ZFR2: variants seen among roughly 807,000 people sequenced by gnomAD.
The protein encoded by ZFR2 is zinc finger RNA binding protein 2.
In ZFR2, 104 loss-of-function variants were observed where a neutral mutation model predicts 105.7. That is an observed-to-expected ratio of 0.98 (90% CI 0.84 to 1.16). The LOEUF is 1.16. Ranked by LOEUF, ZFR2 falls within the 50% of genes most tolerant of loss-of-function variation. The pLI is 0.00. For missense variants in ZFR2, 1,425 were observed against 1,355.5 expected (o/e 1.05, Z -0.80); for synonymous variants, 634 against 597.7 (o/e 1.06, Z -0.89).
At chr19:3,850,867 T>G (rs936452796) in intron 1 of ZFR2, among the ~76,000 whole-genome samples, 1 of 136,348 alleles carries the variant, frequency 7.3e-6, no homozygotes. Flanking sequence ...ATCTCACCAC[T>G]GCACTGCAAC....
intron 6 of ZFR2, among the ~76,000 whole-genome samples, chr19:3,826,294 G>A (rs1044069107): frequency 1.3e-5 from 2 of 152,130 alleles, no homozygotes; most frequent in African/African-American, 4.8e-5. Flanking sequence ...AGGCAGCTGG[G>A]GGAGAGAAGC....
Position 3,821,977 on chromosome 19 carries a change from C to T in ZFR2, c.1491+104G>A, listed in dbSNP as rs1030111948. 8 of 1,446,942 alleles carry T rather than the reference C, an allele frequency of 5.5e-6. No homozygotes were observed. In the Admixed American group the frequency reaches 1.8e-4, roughly 33 times the overall value. 89.6% of individuals were successfully genotyped at this position (1,446,942 alleles called of 1,614,324 possible). A position where few individuals can be genotyped will look rare whatever the true frequency, so the allele number is the denominator to read the frequency against. On this transcript the variant is annotated intron_variant, in intron 9 of 18. Transcript: ENST00000262961. ...GAAAATCACCCCTCCCTCTTAAGTT[C>T]GTCGGATCACACGCGCGGAAGAGGC...
chr19:3,827,358 G>A (rs1365885306), intron 6 of ZFR2, 113 bp downstream of exon 6: 8 of 1,308,518 alleles, frequency 6.1e-6, no homozygotes, highest in Non-Finnish European at 7.9e-6. Context: ...GCTCCACTTG[G>A]GGAGGCTTCT....
chr19:3,842,727 G>C (rs908869661), intron 1 of ZFR2, among the ~76,000 whole-genome samples: 5 of 151,614 alleles, frequency 3.3e-5, no homozygotes, highest in African/African-American at 1.2e-4. Context: ...GGGTCCAAGT[G>C]ATTCTCCTGC....
chr19:3,825,116 C>T (rs2037934087), intron 7 of ZFR2, 114 bp downstream of exon 7: 2 of 1,279,640 alleles, frequency 1.6e-6, no homozygotes, highest in Non-Finnish European at 2.0e-6. Context: ...AGCCCCTCAC[C>T]ACCCCCCGGG....
intron 1 of ZFR2, among the ~76,000 whole-genome samples, chr19:3,852,896 G>T (rs2038256552): frequency 6.6e-6 from 1 of 152,234 alleles, no homozygotes; most frequent in South Asian, 2.1e-4. Context: ...TCCTGGCATG[G>T]AGTGGGTGGA....
intron 17 of ZFR2, among the ~76,000 whole-genome samples, chr19:3,808,054 T>C (rs898671781): frequency 2.1e-5 from 3 of 142,730 alleles, no homozygotes; most frequent in Non-Finnish European, 4.5e-5. Context: ...CCCGTGCGTG[T>C]GCGTGCATGT....
In ZFR2 at chr19:3,831,129, G is replaced by GCA. The variant is rs571036079; in HGVS notation, c.852+172_852+173dup. Among the ~76,000 whole-genome samples the GCA allele has an allele frequency of 2.4e-3, 369 of 151,380 alleles. 2 individuals carry two copies. Among genetic ancestry groups the GCA allele is most frequent in the Non-Finnish European group, 2.9e-3 (194 of 67,766 alleles). On this transcript the variant is annotated intron_variant, in intron 5 of 18. Transcript: ENST00000262961. ...CACGCACACATACACACTCACACTTGCACACACACACAAGCGCTTGCACAC... is the reference window on the plus strand; with the variant it reads ...CACGCACACATACACACTCACACTTGCACACACACACACAAGCGCTTGCACAC...
intron 1 of ZFR2, chr19:3,852,382 A>G: frequency 1.5e-6 from 1 of 673,808 alleles, no homozygotes. Flanking sequence ...CCTGGAGGGC[A>G]GCTACCTGTT....
In ZFR2 at chr19:3,821,337, C is replaced by T. The variant is rs910589963; in HGVS notation, c.1631+3G>A. ...CCCCTTGCCAAGACCCGCAGCCGGG[C>T]ACCTCCTCTCCGCGTGCCAGCGCCG... On this transcript the variant is annotated splice_donor_region_variant and intron_variant, in intron 10 of 18. Transcript: ENST00000262961. 1 of 1,586,566 alleles carries T rather than the reference C, an allele frequency of 6.3e-7. No individual in the cohort carries two copies. The highest frequency in any genetic ancestry group is 8.6e-7 in the Non-Finnish European group (1 of 1,169,522).
chr19:3,833,588 A>G lies in ZFR2; in HGVS notation c.379+76T>C, dbSNP rs1017201496. 4.5e-4 allele frequency: 495 copies of G among 1,106,848 alleles called. 5 individuals are homozygous for G. In the African/African-American group the frequency reaches 5.5e-3, roughly 12 times the overall value. The allele number at this position is 1,106,848 out of a possible 1,614,324, so 68.6% of individuals were successfully genotyped here. On this transcript the variant is annotated intron_variant, in intron 3 of 18. Transcript: ENST00000262961. The stretch of plus-strand genomic sequence containing the variant: ...GAGACTCTGTCTAAAAAAAAAAAAA[A>G]GTAAGTTTCCCAAGGTTTCCCTGTG...
chr19:3,867,303 T>C (rs1463094711), intron 1 of ZFR2, among the ~76,000 whole-genome samples: 1 of 51,488 alleles, frequency 1.9e-5, no homozygotes, highest in Non-Finnish European at 3.4e-5. Flanking sequence ...TGATCAACTG[T>C]TGGGGGGGGA....
chr19:3,816,697 G>A lies in ZFR2; in HGVS notation c.2080C>T (p.Gln694Ter). 9 of 1,610,206 alleles carry A rather than the reference G, an allele frequency of 5.6e-6. No homozygotes were observed. The highest frequency in any genetic ancestry group is 7.6e-6 in the Non-Finnish European group (9 of 1,178,078). The change falls in exon 13 of 19, where the codon CAG (glutamine) becomes TAG (stop). Residue 694 changes from glutamine (Q) to a stop codon, truncating the protein, a stop_gained. Coordinates refer to ENST00000262961, the MANE Select transcript of ZFR2 (RefSeq NM_015174.2). LOFTEE classifies it high-confidence loss of function. ...PTHSLLRRIAQQLPRQLQMVT... is the reference protein window; with the variant it reads ...PTHSLLRRIA ...ACCTGGAGCTGCCGGGGCAGCTGCT[G>A]GGCGATCCTCCGCAGCAGGCTGTGC...
Position 3,834,908 on chromosome 19 carries a change from A to G in ZFR2, c.129T>C (p.Pro43=). Residue 43 remains proline, a synonymous_variant, in exon 2 of 19, where the codon CCT becomes CCC. Transcript: ENST00000262961. The surrounding 1 kb of genome is among the most constrained non-coding windows in gnomAD (Gnocchi z 5.3). The part of the protein sequence containing the change: ...YTAQPTPGMD[P]AVNPAFPPAA... ...CTGGGGGAAAGGCCGGGTTCACGGC[A>G]GGGTCCATCCCAGGAGTGGGTTGTG... 6.2e-7 allele frequency: 1 copy of G among 1,612,028 alleles called. No homozygotes were observed. Among genetic ancestry groups the G allele is most frequent in the Non-Finnish European group, 8.5e-7 (1 of 1,179,214 alleles).
intron 1 of ZFR2, among the ~76,000 whole-genome samples, chr19:3,847,351 C>T (rs189732384): frequency 1.3e-4 from 20 of 152,082 alleles, no homozygotes; most frequent in African/African-American, 4.8e-4. Context: ...TGGTGAAAGC[C>T]CATCTCTACT....
intron 1 of ZFR2, among the ~76,000 whole-genome samples, chr19:3,864,444 C>A (rs1394548322): frequency 6.6e-6 from 1 of 152,154 alleles, no homozygotes; most frequent in Non-Finnish European, 1.5e-5. Context: ...AGTATTACAC[C>A]AAAATCCAGT....
intron 10 of ZFR2, among the ~76,000 whole-genome samples, chr19:3,820,904 TCGGGGGACA>T: frequency 1.1e-5 from 1 of 91,504 alleles, no homozygotes; most frequent in South Asian, 3.4e-4. Context: ...ACACTAGAGG[TCGGGGGACA>T]CAGGGACACC....
rs1555753336 is a variant in ZFR2, at chr19:3,813,332, G to GC, written c.2242+487dup. 1.3e-5 allele frequency among the ~76,000 whole-genome samples: 2 copies of GC among 152,154 alleles called. No homozygotes were observed. Among genetic ancestry groups the GC allele is most frequent in the East Asian group, 1.9e-4 (1 of 5,182 alleles). ...CCCTCGCTGCCCCTAGCCTGGCCCG[G>GC]CCCCTCACCCACCCTCCCAGGCCTG... is the stretch of plus-strand genomic sequence containing the variant. On this transcript the variant is annotated intron_variant, in intron 14 of 18. Coordinates refer to ENST00000262961, the MANE Select transcript of ZFR2 (RefSeq NM_015174.2). This position sits in a 1 kb window ranked among gnomAD's most constrained non-coding sequence, Gnocchi z 4.4.
At position 3,853,082 on chromosome 19, in the gene ZFR2, A is replaced by G. The variant is rs540015866; in HGVS notation, c.53+15883T>C. Among the ~76,000 whole-genome samples the G allele has an allele frequency of 4.9e-3, 750 of 152,286 alleles. 9 individuals carry two copies. The highest frequency in any genetic ancestry group is 0.017 in the African/African-American group (705 of 41,562). ...AGTTGGAGACCAGCCTGGGCAATACAGTGAGACCCCATCTCTTAAAAACTG... is the reference window on the plus strand; with the variant it reads ...AGTTGGAGACCAGCCTGGGCAATACGGTGAGACCCCATCTCTTAAAAACTG... On this transcript the variant is annotated intron_variant, in intron 1 of 18. Coordinates refer to ENST00000262961, the MANE Select transcript of ZFR2 (RefSeq NM_015174.2).
Sources: gnomAD v4.1 joint callset for allele counts (sites outside exome capture counted in the v4.1 genomes callset) on GRCh38, gnomAD v4.1.1 for gene constraint, Gnocchi (gnomAD v3.1) non-coding constraint, MANE v1.5 for transcripts, NCBI Gene and HGNC (gene_info 2026-07-23, HGNC 2026-07-21) for gene names.